SH3PXD2A: variants seen among roughly 807,000 people sequenced by gnomAD.
SH3PXD2A encodes SH3 and PX domain-containing protein 2A.
A neutral mutation model predicts 115.2 loss-of-function variants in SH3PXD2A; 32 were observed. The ratio of observed to expected loss-of-function variants is 0.28; its 90% CI spans 0.21 to 0.37. The LOEUF is 0.37. Ranked by LOEUF, SH3PXD2A falls within the 10% of genes least tolerant of loss-of-function variation. SH3PXD2A has a pLI of 1.00. For synonymous variants in SH3PXD2A, 610 were observed against 629.1 expected, an observed-to-expected ratio of 0.97 and a Z score of 0.45; for missense variants, 1,328 against 1,498.7, an observed-to-expected ratio of 0.89 and a Z score of 1.88.
Position 103,603,499 on chromosome 10 carries a change from C to A in SH3PXD2A, c.1719G>T (p.Glu573Asp). The change falls in exon 15 of 15, where the codon GAG becomes GAT. Residue 573 changes from glutamate to aspartate, a missense_variant. Transcript: ENST00000369774. ...CTGAGGCTCTGTCCTCCACGGGCTC[C>A]TCGCTCAGCTCAGGCTCTGAGTCAA... ...FGFDSEPELS[E>D]EPVEDRASGE... is the part of the protein sequence containing the mutation. 6.2e-7 allele frequency: 1 copy of A among 1,611,682 alleles called. No individual in the cohort carries two copies. Among genetic ancestry groups the A allele is most frequent in the Non-Finnish European group, 8.5e-7 (1 of 1,178,812 alleles).
intron 1 of SH3PXD2A, among the ~76,000 whole-genome samples, chr10:103,824,031 C>A (rs907914106): frequency 3.9e-5 from 6 of 152,206 alleles, no homozygotes; most frequent in African/African-American, 1.4e-4. Context: ...GACGGCCACT[C>A]CCCAACCCCT....
chr10:103,788,692 C>T (rs533969242), intron 2 of SH3PXD2A, among the ~76,000 whole-genome samples: 26 of 152,150 alleles, frequency 1.7e-4, no homozygotes, highest in African/African-American at 6.0e-4. Flanking sequence ...CATGGAGAAA[C>T]CCCGTCTCTA....
chr10:103,767,732 C>T (rs1386261111), intron 2 of SH3PXD2A, among the ~76,000 whole-genome samples: 1 of 149,516 alleles, frequency 6.7e-6, no homozygotes, highest in Non-Finnish European at 1.5e-5. Flanking sequence ...CCTACCTTCC[C>T]ACCCTGAGGT....
intron 11 of SH3PXD2A, among the ~76,000 whole-genome samples, chr10:103,615,654 GT>G (rs71931603): frequency 0.099 from 15,101 of 151,890 alleles, 835 homozygotes; most frequent in East Asian, 0.21. Flanking sequence ...TTTCAGCCGG[GT>G]TTTCTCAGTC....
chr10:103,664,295 G>T (rs1049691561), intron 7 of SH3PXD2A, among the ~76,000 whole-genome samples: 16 of 152,228 alleles, frequency 1.1e-4, no homozygotes, highest in African/African-American at 3.4e-4. Flanking sequence ...TAGAGAGCCC[G>T]CAAGGCCTGA....
chr10:103,652,931 C>T (rs1255275493), intron 8 of SH3PXD2A, among the ~76,000 whole-genome samples: 1 of 152,166 alleles, frequency 6.6e-6, no homozygotes, highest in Non-Finnish European at 1.5e-5. Flanking sequence ...GCCCGGCACC[C>T]GTCTCTGCCC....
chr10:103,720,458 C>T (rs748180653), intron 5 of SH3PXD2A, among the ~76,000 whole-genome samples: 27 of 152,208 alleles, frequency 1.8e-4, no homozygotes, highest in Non-Finnish European at 3.4e-4. Flanking sequence ...CCCACCTCCC[C>T]CACTGAGTCT....
At chr10:103,624,161 A>C (rs1426212441) in intron 9 of SH3PXD2A, among the ~76,000 whole-genome samples, 1 of 152,186 alleles carries the variant, frequency 6.6e-6, no homozygotes, top group Non-Finnish European at 1.5e-5. Flanking sequence ...TGTTCCCCTA[A>C]CTCTGCTGCC....
chr10:103,695,848 G>A (rs1356892363), intron 5 of SH3PXD2A, among the ~76,000 whole-genome samples: 1 of 152,206 alleles, frequency 6.6e-6, no homozygotes, highest in African/African-American at 2.4e-5. Flanking sequence ...CCTTCAGCCA[G>A]AGTTCAGAGT....
chr10:103,699,388 G>A (rs1278220713), intron 5 of SH3PXD2A, among the ~76,000 whole-genome samples: 2 of 152,150 alleles, frequency 1.3e-5, no homozygotes, highest in African/African-American at 2.4e-5. Context: ...TCTGCGTATC[G>A]AGCTGCAGTG....
chr10:103,802,378 A>C (rs1427010115), intron 1 of SH3PXD2A, among the ~76,000 whole-genome samples: 1 of 152,218 alleles, frequency 6.6e-6, no homozygotes, highest in Non-Finnish European at 1.5e-5. Context: ...GAGACTGGAA[A>C]AACTTTTCTC....
At chr10:103,762,852 C>G (rs1173093662) in intron 3 of SH3PXD2A, among the ~76,000 whole-genome samples, 1 of 151,998 alleles carries the variant, frequency 6.6e-6, no homozygotes, top group Non-Finnish European at 1.5e-5. Context: ...AGTATACTGG[C>G]TCCCCACTCT....
chr10:103,827,611 T>A (rs905694251), intron 1 of SH3PXD2A, among the ~76,000 whole-genome samples: 1 of 152,162 alleles, frequency 6.6e-6, no homozygotes, highest in Non-Finnish European at 1.5e-5. Flanking sequence ...GCACACCACA[T>A]TCTCAGTGCA....
At chr10:103,745,806 G>A (rs1351080465) in intron 3 of SH3PXD2A, among the ~76,000 whole-genome samples, 2 of 152,170 alleles carry the variant, frequency 1.3e-5, no homozygotes, top group Non-Finnish European at 2.9e-5. Context: ...CACGGCTTCC[G>A]TTTCTCGGAG....
At chr10:103,739,957 C>G (rs1303340666) in intron 3 of SH3PXD2A, among the ~76,000 whole-genome samples, 1 of 152,210 alleles carries the variant, frequency 6.6e-6, no homozygotes, top group Non-Finnish European at 1.5e-5. Context: ...GACCCTGAAA[C>G]AGGTCCCTTC....
intron 4 of SH3PXD2A, among the ~76,000 whole-genome samples, chr10:103,726,984 A>G (rs148297746): frequency 1.8e-3 from 277 of 152,342 alleles, no homozygotes; most frequent in Middle Eastern, 3.4e-3. Context: ...ATTAACATTA[A>G]ATGAGCAGCT....
At chr10:103,775,587 G>A (rs2038869796) in intron 2 of SH3PXD2A, among the ~76,000 whole-genome samples, 6 of 152,196 alleles carry the variant, frequency 3.9e-5, no homozygotes, top group South Asian at 4.1e-4. Context: ...CAGTGGGCCT[G>A]TCAGGATTGC....
At chr10:103,809,508 G>T (rs969102505) in intron 1 of SH3PXD2A, among the ~76,000 whole-genome samples, 1 of 152,186 alleles carries the variant, frequency 6.6e-6, no homozygotes, top group Non-Finnish European at 1.5e-5. Flanking sequence ...CTTCTCTGGG[G>T]AAAAGGGTTT....
At chr10:103,814,892 GGCA>G (rs2039308677) in intron 1 of SH3PXD2A, among the ~76,000 whole-genome samples, 2 of 152,150 alleles carry the variant, frequency 1.3e-5, no homozygotes, top group African/African-American at 4.8e-5. Flanking sequence ...ACTGCAGGGA[GGCA>G]GCTGCTTTAG....
Sources: gnomAD v4.1 joint callset for allele counts (sites outside exome capture counted in the v4.1 genomes callset) on GRCh38, gnomAD v4.1.1 for gene constraint, MANE v1.5 for transcripts, NCBI Gene and HGNC (gene_info 2026-07-23, HGNC 2026-07-21) for gene names.